The following CNTNAP2 variants were observed in gnomAD, a reference collection of about 807,000 sequenced individuals.
CNTNAP2 encodes contactin-associated protein-like 2.
CNTNAP2 carries 98 observed loss-of-function variants against 155.2 expected under a neutral mutation model. That is an observed-to-expected ratio of 0.63 (90% CI 0.54 to 0.75). The LOEUF (loss-of-function observed/expected upper bound fraction) is 0.75. Among genes scored for constraint, CNTNAP2 ranks in the 30% least tolerant of loss-of-function variants. The probability of loss-of-function intolerance (pLI) is 0.00; values close to 1 mark genes in which losing one functional copy is unlikely to be tolerated. For missense variants in CNTNAP2, 1,727 were observed against 1,688.1 expected (o/e 1.02, Z -0.40); for synonymous variants, 651 against 631.2 (o/e 1.03, Z -0.47).
chr7:147,192,494 T>A (rs1009373085), intron 8 of CNTNAP2, among the ~76,000 whole-genome samples: 13 of 152,142 alleles, frequency 8.5e-5, no homozygotes, highest in African/African-American at 3.1e-4. Flanking sequence ...CTGGCCCCAC[T>A]GCAAACCTAC....
chr7:146,445,744 G>T (rs1029914422), intron 1 of CNTNAP2, among the ~76,000 whole-genome samples: 3 of 152,152 alleles, frequency 2.0e-5, no homozygotes, highest in African/African-American at 7.2e-5. Flanking sequence ...CAAGATGAAT[G>T]AGGGAGGGAG....
intron 10 of CNTNAP2, among the ~76,000 whole-genome samples, chr7:147,450,592 T>C (rs759179701): frequency 1.1e-4 from 17 of 152,168 alleles, no homozygotes; most frequent in Admixed American, 2.0e-4. Flanking sequence ...CAAAAGAAGA[T>C]ACCTTCCCAC....
intron 3 of CNTNAP2, among the ~76,000 whole-genome samples, chr7:146,963,588 G>A (rs1021546666): frequency 3.7e-4 from 56 of 152,104 alleles, no homozygotes; most frequent in Middle Eastern, 3.4e-3. Context: ...GTCTTAAATA[G>A]TAACACAATT....
At chr7:147,900,502 A>G (rs1799849741) in intron 13 of CNTNAP2, among the ~76,000 whole-genome samples, 1 of 152,184 alleles carries the variant, frequency 6.6e-6, no homozygotes, top group Admixed American at 6.5e-5. Context: ...CAGCCACACA[A>G]AATTGTGAGT....
intron 13 of CNTNAP2, among the ~76,000 whole-genome samples, chr7:147,670,212 C>T (rs1795765337): frequency 6.6e-6 from 1 of 152,106 alleles, no homozygotes; most frequent in Admixed American, 6.5e-5. Context: ...TTTCCGGGTT[C>T]TTGAGTCCAT....
intron 1 of CNTNAP2, among the ~76,000 whole-genome samples, chr7:146,556,780 T>G (rs1205731591): frequency 6.6e-6 from 1 of 152,116 alleles, no homozygotes; most frequent in Non-Finnish European, 1.5e-5. Flanking sequence ...AGCATAAGAA[T>G]GAAAAGAGTT....
chr7:147,914,543 CAAA>C (rs533915488), intron 14 of CNTNAP2, among the ~76,000 whole-genome samples: 8 of 85,770 alleles, frequency 9.3e-5, no homozygotes, highest in Non-Finnish European at 7.6e-5. Flanking sequence ...TCCATCTAAC[CAAA>C]AAAAAAAAAA....
chr7:146,774,527 GC>G (rs1802354351), intron 2 of CNTNAP2, 146 bp downstream of exon 2: 2 of 647,426 alleles, frequency 3.1e-6, no homozygotes, highest in East Asian at 2.9e-5. Flanking sequence ...ATCCATAGAT[GC>G]CATTAACCTC....
chr7:147,862,260 G>A (rs1799149153), intron 13 of CNTNAP2, among the ~76,000 whole-genome samples: 1 of 152,008 alleles, frequency 6.6e-6, no homozygotes, highest in Non-Finnish European at 1.5e-5. Flanking sequence ...AATGCAACTA[G>A]GAAAACTTGA....
At chr7:148,033,566 T>C (rs1207882824) in intron 15 of CNTNAP2, among the ~76,000 whole-genome samples, 2 of 152,186 alleles carry the variant, frequency 1.3e-5, no homozygotes, top group Non-Finnish European at 2.9e-5. Flanking sequence ...AGTGAGAACA[T>C]GCTTAATCCT....
chr7:146,782,101 A>G (rs1329033052), intron 2 of CNTNAP2: 1 of 152,144 alleles, frequency 6.6e-6, no homozygotes, highest in Non-Finnish European at 1.5e-5. Flanking sequence ...CCAATTGATG[A>G]GATTCTGCCC....
At chr7:146,829,120 G>T (rs542877811) in intron 2 of CNTNAP2, among the ~76,000 whole-genome samples, 1 of 151,986 alleles carries the variant, frequency 6.6e-6, no homozygotes, top group Admixed American at 6.6e-5. Flanking sequence ...TATAATTGTT[G>T]TGAAATTCCC....
chr7:146,961,178 A>G (rs990755726), intron 3 of CNTNAP2, among the ~76,000 whole-genome samples: 1 of 152,076 alleles, frequency 6.6e-6, no homozygotes. Context: ...ACCCATTTAC[A>G]TTTTCATTCC....
Position 146,446,908 on chromosome 7 carries a change from G to A in CNTNAP2, c.98-327363G>A, listed in dbSNP as rs1796409977. ...ACAACATTTATCTTAGTCCAGCTCTGTATACAGCATATTAATTTTAGACTT... is the reference window on the plus strand; with the variant it reads ...ACAACATTTATCTTAGTCCAGCTCTATATACAGCATATTAATTTTAGACTT... On this transcript the variant is annotated intron_variant, in intron 1 of 23. Transcript: ENST00000361727. Among the ~76,000 whole-genome samples, 3 of 151,962 alleles carry A rather than the reference G, an allele frequency of 2.0e-5. 1 individual carries two copies. The South Asian group carries it at 6.2e-4, about 31-fold the overall frequency.
intron 10 of CNTNAP2, among the ~76,000 whole-genome samples, chr7:147,461,765 A>T (rs962952845): frequency 6.6e-6 from 1 of 152,174 alleles, no homozygotes; most frequent in Non-Finnish European, 1.5e-5. Context: ...TATAATATGC[A>T]TATCTATCAT....
chr7:146,325,023 G>A lies in CNTNAP2; in HGVS notation c.97+208050G>A, dbSNP rs192221701. On this transcript the variant is annotated intron_variant, in intron 1 of 23. Transcript: ENST00000361727. ...AGCAATGGCTCACTGCATCCTCTAC[G>A]TTCTGTAATCAAGCGATCCTCCCGC... 1.9e-3 allele frequency among the ~76,000 whole-genome samples: 288 copies of A among 152,020 alleles called. 4 individuals carry two copies. Among genetic ancestry groups the A allele is most frequent in the South Asian group, 1.0e-3 (5 of 4,802 alleles).
intron 21 of CNTNAP2, among the ~76,000 whole-genome samples, chr7:148,314,693 G>T (rs1797656175): frequency 6.6e-6 from 1 of 152,052 alleles, no homozygotes; most frequent in Non-Finnish European, 1.5e-5. Context: ...CAGAGAAGGG[G>T]TAGAGACATG....
intron 1 of CNTNAP2, among the ~76,000 whole-genome samples, chr7:146,209,872 G>C (rs1799006721): frequency 6.6e-6 from 1 of 152,074 alleles, no homozygotes; most frequent in African/African-American, 2.4e-5. Context: ...AGAAAATACA[G>C]AATTTGGATG....
intron 1 of CNTNAP2, among the ~76,000 whole-genome samples, chr7:146,431,292 T>C (rs1796169502): frequency 6.6e-6 from 1 of 152,050 alleles, no homozygotes; most frequent in Non-Finnish European, 1.5e-5. Flanking sequence ...AAATTTATCA[T>C]GCATTCTCTT....
Sources: gnomAD v4.1 joint callset for allele counts (sites outside exome capture counted in the v4.1 genomes callset) on GRCh38, gnomAD v4.1.1 for gene constraint, MANE v1.5 for transcripts, NCBI Gene and HGNC (gene_info 2026-07-23, HGNC 2026-07-21) for gene names.